The following PFKFB3 variants were observed in gnomAD, a reference collection of about 807,000 sequenced individuals.
PFKFB3 encodes the protein 6-phosphofructo-2-kinase/fructose-2,6-biphosphatase 3.
In PFKFB3, 33 loss-of-function variants were observed where a neutral mutation model predicts 68.0. The observed-to-expected ratio is 0.49, with a 90% CI of 0.37 to 0.65. PFKFB3 has a LOEUF of 0.65. Among genes scored for constraint, PFKFB3 ranks in the 30% least tolerant of loss-of-function variants. PFKFB3 has a pLI of 0.00. For synonymous variants in PFKFB3, 315 were observed against 288.2 expected (o/e 1.09, Z -0.94); for missense variants, 586 against 712.2 (o/e 0.82, Z 2.02).
At chr10:6,250,631 C>T (rs528222270) in intron 14 of PFKFB3, among the ~76,000 whole-genome samples, 1 of 151,956 alleles carries the variant, frequency 6.6e-6, no homozygotes, top group Non-Finnish European at 1.5e-5. Context: ...GGGCTCCTCC[C>T]TTGTGAATGG....
the PFKFB3 span, among the ~76,000 whole-genome samples, chr10:6,314,010 G>A: frequency 6.6e-6 from 1 of 152,202 alleles, no homozygotes; most frequent in South Asian, 2.1e-4. Flanking sequence ...GGAATGGGAC[G>A]CGAAATCCAG....
chr10:6,158,096 T>C (rs1157173594), intron 1 of PFKFB3, among the ~76,000 whole-genome samples: 1 of 151,238 alleles, frequency 6.6e-6, no homozygotes, highest in Non-Finnish European at 1.5e-5. Context: ...CCATCCTGGC[T>C]AACATGGTGA....
upstream of PFKFB3, among the ~76,000 whole-genome samples, chr10:6,200,025 C>A (rs545589243): frequency 5.6e-3 from 822 of 148,024 alleles, 3 homozygotes; most frequent in African/African-American, 0.019. Flanking sequence ...AAGGGAAAAA[C>A]AAAAACAAAC....
chr10:6,146,101 C>A, intron 1 of PFKFB3: 3 of 417,748 alleles, frequency 7.2e-6, no homozygotes, highest in Non-Finnish European at 9.6e-6. Flanking sequence ...TCCCCCACTG[C>A]GACCTGGGCA....
chr10:6,144,948 G>A (rs1210580942), exon 1 of PFKFB3: 1 of 1,255,520 alleles, frequency 8.0e-7, no homozygotes, highest in Non-Finnish European at 1.0e-6. Context: ...CTTGGACGTC[G>A]TCCTGTCTGG....
the PFKFB3 span, among the ~76,000 whole-genome samples, chr10:6,313,396 A>C: frequency 6.6e-6 from 1 of 152,148 alleles, no homozygotes; most frequent in Non-Finnish European, 1.5e-5. This position sits in a 1 kb window ranked among gnomAD's most constrained non-coding sequence, Gnocchi z 4.2. Context: ...GGTGTTAAAA[A>C]CGACCTGCCC....
chr10:6,155,515 C>T (rs2131693535), intron 1 of PFKFB3, among the ~76,000 whole-genome samples: 1 of 152,164 alleles, frequency 6.6e-6, no homozygotes, highest in South Asian at 2.1e-4. Context: ...AGTTTTTTCA[C>T]TTTCCCAGGG....
At chr10:6,248,131 C>T (rs1846297743) in intron 14 of PFKFB3, among the ~76,000 whole-genome samples, 1 of 152,094 alleles carries the variant, frequency 6.6e-6, no homozygotes, top group South Asian at 2.1e-4. Context: ...TGGAGCAGGG[C>T]CTTTTGAGAA....
intron 1 of PFKFB3, among the ~76,000 whole-genome samples, chr10:6,148,879 A>C (rs1024004030): frequency 3.3e-5 from 5 of 151,984 alleles, no homozygotes; most frequent in Non-Finnish European, 5.9e-5. Flanking sequence ...GGAATTTGAG[A>C]CCAGGCTAGA....
chr10:6,228,750 C>A lies in PFKFB3; in HGVS notation c.1515+2385C>A, dbSNP rs536566924. Among the ~76,000 whole-genome samples, 6 of 152,286 alleles carry A rather than the reference C, an allele frequency of 3.9e-5. No individual in the cohort carries two copies. The highest frequency in any genetic ancestry group is 3.9e-4 in the East Asian group (2 of 5,182). The stretch of plus-strand genomic sequence containing the variant: ...CCCTCCCCATGAGGACCCCCCACAC[C>A]CCAAAAGAGCTCCGAGTGGAGACCC... On this transcript the variant is annotated intron_variant, in intron 14 of 14. Transcript: ENST00000379775. The surrounding 1 kb of genome is among the most constrained non-coding windows in gnomAD (Gnocchi z 4.5).
At chr10:6,282,782 A>G in the PFKFB3 span, among the ~76,000 whole-genome samples, 3 of 152,222 alleles carry the variant, frequency 2.0e-5, no homozygotes, top group Admixed American at 2.0e-4. Context: ...AAATTATGCC[A>G]TATTCTGCCA....
Position 6,203,515 on chromosome 10 carries a change from C to A in PFKFB3, c.76+179C>A, listed in dbSNP as rs1377472001. ...GGCCGGGCGGCGGGGGCGCTGTGGC[C>A]CTTGTCCCGGTGGCTGCCCCGCCGG... On this transcript the variant is annotated intron_variant, in intron 1 of 14. Coordinates refer to ENST00000379775, the MANE Select transcript of PFKFB3 (RefSeq NM_004566.4). Among the ~76,000 whole-genome samples the A allele has an allele frequency of 2.7e-5, 4 of 150,668 alleles. No individual in the cohort carries two copies. The South Asian group carries it at 8.3e-4, about 31-fold the overall frequency.
the PFKFB3 span, among the ~76,000 whole-genome samples, chr10:6,262,193 G>A: frequency 3.3e-5 from 5 of 151,832 alleles, no homozygotes; most frequent in Non-Finnish European, 5.9e-5. Flanking sequence ...GGTGGCTCAC[G>A]CCTGTAGTCC....
chr10:6,317,946 G>A, the PFKFB3 span, among the ~76,000 whole-genome samples: 1 of 152,224 alleles, frequency 6.6e-6, no homozygotes, highest in African/African-American at 2.4e-5. Flanking sequence ...GCAATTTGGT[G>A]ATTCTCAGGA....
intron 1 of PFKFB3, among the ~76,000 whole-genome samples, chr10:6,172,917 C>G (rs669534): frequency 0.2 from 29,656 of 152,026 alleles, 3,328 homozygotes; most frequent in Non-Finnish European, 0.26. Context: ...CGCATCTGTC[C>G]TCTGTCCTGA....
At chr10:6,223,359 T>G (rs994644853) in intron 11 of PFKFB3, among the ~76,000 whole-genome samples, 1 of 152,186 alleles carries the variant, frequency 6.6e-6, no homozygotes. Flanking sequence ...AAATGTTAAG[T>G]CTTAGCATGT....
Position 6,231,426 on chromosome 10 carries a change from G to A in PFKFB3, c.1516-1469G>A, listed in dbSNP as rs1011551120. ...GCTCATCTGTCTCCATGCCGAGGTT[G>A]TTAAGTGCAACACCATTGTCGTGAG... On this transcript the variant is annotated intron_variant, in intron 14 of 14. Coordinates refer to ENST00000379775, the MANE Select transcript of PFKFB3 (RefSeq NM_004566.4). 1.9e-6 allele frequency: 3 copies of A among 1,556,562 alleles called. No individual in the cohort carries two copies. The African/African-American group carries it at 4.1e-5, about 21-fold the overall frequency.
At chr10:6,274,588 T>C in the PFKFB3 span, among the ~76,000 whole-genome samples, 1 of 152,202 alleles carries the variant, frequency 6.6e-6, no homozygotes, top group Admixed American at 6.5e-5. Context: ...GGCTCATGCC[T>C]GTAACCCCAG....
At position 6,205,485 on chromosome 10, in the gene PFKFB3, G is replaced by C. The variant is rs187839189; in HGVS notation, c.76+2149G>C. Reference sequence around the variant, plus strand: ...TCGGCTCACTGCAACTTCTGCCTCCGGGTTTCAAGCGATTCTCGTGCCTCA... The same window carrying C: ...TCGGCTCACTGCAACTTCTGCCTCCCGGTTTCAAGCGATTCTCGTGCCTCA... On this transcript the variant is annotated intron_variant, in intron 1 of 14. Coordinates refer to ENST00000379775, the MANE Select transcript of PFKFB3 (RefSeq NM_004566.4). 1.1e-3 allele frequency among the ~76,000 whole-genome samples: 151 copies of C among 140,724 alleles called. 1 individual carries two copies. The East Asian group carries it at 0.02, about 19-fold the overall frequency. The allele number at this position is 140,724 out of a possible 152,430, so 92.3% of individuals were successfully genotyped here. A position where few individuals can be genotyped will look rare whatever the true frequency, so the allele number is the denominator to read the frequency against.
Sources: allele counts gnomAD v4.1 joint callset (sites outside exome capture counted in the v4.1 genomes callset), GRCh38; gene constraint gnomAD v4.1.1; non-coding constraint Gnocchi (gnomAD v3.1); transcripts MANE v1.5; gene names NCBI Gene and HGNC (gene_info 2026-07-23, HGNC 2026-07-21).